Variants in IQGAP2 observed in about 807,000 individuals in gnomAD.
IQGAP2 encodes IQ motif containing GTPase activating protein 2.
IQGAP2 carries 173 observed loss-of-function variants against 201.3 expected under a neutral mutation model. The ratio of observed to expected loss-of-function variants is 0.86; its 90% CI spans 0.76 to 0.98. IQGAP2 has a LOEUF of 0.98. Ranked by LOEUF, IQGAP2 falls within the 50% of genes least tolerant of loss-of-function variation. IQGAP2 has a pLI of 0.00. For missense variants in IQGAP2, 1,687 were observed against 1,864.8 expected (o/e 0.90, Z 1.76); for synonymous variants, 675 against 673.9 (o/e 1.00, Z -0.03).
chr5:76,473,537 C>T (rs1580269107), intron 2 of IQGAP2, among the ~76,000 whole-genome samples: 1 of 152,114 alleles, frequency 6.6e-6, no homozygotes, highest in Non-Finnish European at 1.5e-5. Flanking sequence ...GATGAGATCT[C>T]ACTATGTTGC....
intron 2 of IQGAP2, among the ~76,000 whole-genome samples, chr5:76,501,910 T>G (rs1017357920): frequency 2.0e-5 from 3 of 152,110 alleles, no homozygotes; most frequent in Admixed American, 6.5e-5. Flanking sequence ...CCCAAAGTGC[T>G]GGTATTACAG....
intron 2 of IQGAP2, among the ~76,000 whole-genome samples, chr5:76,545,936 A>G (rs937589708): frequency 6.6e-6 from 1 of 152,210 alleles, no homozygotes; most frequent in African/African-American, 2.4e-5. Flanking sequence ...GTCATCAGAC[A>G]TCTGAGTTTT....
intron 13 of IQGAP2, among the ~76,000 whole-genome samples, chr5:76,620,662 AT>A (rs1009803007): frequency 2.0e-5 from 3 of 152,126 alleles, no homozygotes; most frequent in African/African-American, 7.2e-5. Context: ...CTCTCGTTTA[AT>A]TTAATGGGAG....
At chr5:76,504,491 C>G (rs1000071039) in intron 2 of IQGAP2, among the ~76,000 whole-genome samples, 4 of 152,188 alleles carry the variant, frequency 2.6e-5, no homozygotes, top group Non-Finnish European at 5.9e-5. Context: ...TGTACCTTCT[C>G]TATATGGTAT....
At chr5:76,669,100 A>G (rs758610176) in intron 23 of IQGAP2, among the ~76,000 whole-genome samples, 2 of 152,222 alleles carry the variant, frequency 1.3e-5, no homozygotes, top group Non-Finnish European at 2.9e-5. Flanking sequence ...AATCAATAGC[A>G]TATTGAAAGT....
chr5:76,686,772 G>A (rs1745808408), intron 30 of IQGAP2, among the ~76,000 whole-genome samples: 1 of 152,170 alleles, frequency 6.6e-6, no homozygotes, highest in Non-Finnish European at 1.5e-5. Flanking sequence ...GCCTCCCAAA[G>A]TGCTGGGATT....
chr5:76,564,148 T>C (rs869733), intron 3 of IQGAP2, among the ~76,000 whole-genome samples: 10,757 of 152,258 alleles, frequency 0.071, 816 homozygotes, highest in East Asian at 0.44. Context: ...AAAACAATCA[T>C]TTAGCCGGCT....
intron 2 of IQGAP2, among the ~76,000 whole-genome samples, chr5:76,535,432 A>G (rs953861118): frequency 6.6e-6 from 1 of 152,228 alleles, no homozygotes; most frequent in Non-Finnish European, 1.5e-5. Flanking sequence ...TTTTTAAATC[A>G]GCTCTGTGCA....
At chr5:76,404,266 G>A (rs1026149708) in intron 1 of IQGAP2, among the ~76,000 whole-genome samples, 1 of 152,216 alleles carries the variant, frequency 6.6e-6, no homozygotes, top group African/African-American at 2.4e-5. Flanking sequence ...GAGCCCGCGT[G>A]ACTTGAACGA....
chr5:76,595,553 G>A (rs1308063082), intron 9 of IQGAP2, among the ~76,000 whole-genome samples: 3 of 150,912 alleles, frequency 2.0e-5, no homozygotes, highest in African/African-American at 7.3e-5. Flanking sequence ...CAGGCCAGGA[G>A]TTCAAGACCA....
intron 2 of IQGAP2, among the ~76,000 whole-genome samples, chr5:76,490,170 T>A (rs899856592): frequency 3.3e-5 from 5 of 152,232 alleles, no homozygotes; most frequent in Non-Finnish European, 7.3e-5. Context: ...AGGTTTTATG[T>A]TACAAGCATT....
At chr5:76,496,779 T>TTCTTTCTTTCTTTCTTTCTTTC (rs1757004007) in intron 2 of IQGAP2, among the ~76,000 whole-genome samples, 1 of 97,488 alleles carries the variant, frequency 1.0e-5, no homozygotes, top group Non-Finnish European at 2.0e-5. Context: ...CTTTCTTTCT[T>TTCTTTCTTTCTTTCTTTCTTTC]TCTTTCTTTC....
chr5:76,465,642 A>C (rs1754731845), intron 2 of IQGAP2, among the ~76,000 whole-genome samples: 1 of 152,208 alleles, frequency 6.6e-6, no homozygotes, highest in South Asian at 2.1e-4. Context: ...CTACTAAAAA[A>C]CAGAACAGAA....
intron 13 of IQGAP2, among the ~76,000 whole-genome samples, chr5:76,626,290 G>A (rs1326076762): frequency 2.7e-4 from 1 of 3,678 alleles, no homozygotes; most frequent in Non-Finnish European, 7.3e-4. Context: ...TTTTTTTTTT[G>A]TGAGACAGAG....
chr5:76,541,968 T>C (rs1364956756), intron 2 of IQGAP2, among the ~76,000 whole-genome samples: 1 of 152,220 alleles, frequency 6.6e-6, no homozygotes, highest in Non-Finnish European at 1.5e-5. Context: ...GCAGAATGTT[T>C]ATTTTTTGTG....
intron 30 of IQGAP2, among the ~76,000 whole-genome samples, chr5:76,686,307 T>C (rs560397046): frequency 6.6e-6 from 1 of 150,998 alleles, no homozygotes; most frequent in Non-Finnish European, 1.5e-5. Flanking sequence ...TTTTTTTTTT[T>C]TTATTTTGAT....
At chr5:76,483,000 C>A (rs1224149827) in intron 2 of IQGAP2, among the ~76,000 whole-genome samples, 1 of 152,134 alleles carries the variant, frequency 6.6e-6, no homozygotes. Context: ...AAATTAAGCG[C>A]TACATTGCTA....
intron 21 of IQGAP2, among the ~76,000 whole-genome samples, chr5:76,662,098 T>C (rs1170316406): frequency 6.6e-6 from 1 of 152,220 alleles, no homozygotes; most frequent in East Asian, 1.9e-4. Context: ...CTTGTGTCCA[T>C]CTTCAAGCTT....
chr5:76,611,657 TAC>T (rs1469612936), intron 13 of IQGAP2, among the ~76,000 whole-genome samples: 11 of 152,196 alleles, frequency 7.2e-5, no homozygotes, highest in Non-Finnish European at 1.2e-4. Context: ...AAATGAGAGA[TAC>T]ACAGATTGAT....
Sources: allele counts gnomAD v4.1 joint callset (sites outside exome capture counted in the v4.1 genomes callset), GRCh38; gene constraint gnomAD v4.1.1; transcripts MANE v1.5; gene names NCBI Gene and HGNC (gene_info 2026-07-23, HGNC 2026-07-21).